The following HYDIN variants were observed in gnomAD, a reference collection of about 807,000 sequenced individuals.
The protein encoded by HYDIN is HYDIN axonemal central pair apparatus protein.
In HYDIN, 132 loss-of-function variants were observed where a neutral mutation model predicts 403.9. That is an observed-to-expected ratio of 0.33 (90% confidence interval 0.28 to 0.38). The LOEUF is 0.38. Among genes scored for constraint, HYDIN ranks in the 10% least tolerant of loss-of-function variants. The pLI is 1.00. For synonymous variants in HYDIN, 1,202 were observed against 1,891.7 expected (o/e 0.64, Z 9.46); for missense variants, 2,827 against 5,009.5 (o/e 0.56, Z 13.15).
intron 7 of HYDIN, among the ~76,000 whole-genome samples, chr16:71,151,135 T>C (rs1210658976): frequency 1.3e-5 from 2 of 152,196 alleles, no homozygotes; most frequent in Non-Finnish European, 2.9e-5. Context: ...GATGCCCCAA[T>C]GTGTTATGAG....
At position 70,947,407 on chromosome 16, in the gene HYDIN, A is replaced by G. The variant is rs544312652; in HGVS notation, c.6532-3458T>C. Among the ~76,000 whole-genome samples the G allele has an allele frequency of 6.1e-3, 925 of 152,052 alleles. 13 individuals are homozygous for G. Among genetic ancestry groups the G allele is most frequent in the Non-Finnish European group, 3.3e-3 (226 of 67,962 alleles). On this transcript the variant is annotated intron_variant, in intron 41 of 85. Coordinates refer to ENST00000393567, the MANE Select transcript of HYDIN (RefSeq NM_001270974.2). ...GATGAAGCCCACTTGATCATGGTGG[A>G]TAAGCTTTCTGATGTGCTGCTGGAT...
rs1321990923 is a variant in HYDIN, at chr16:70,941,702, T to C, written c.6787A>G (p.Ile2263Val). Reference protein sequence around the residue: ...KAIGSREHIYILNMAQDYAAM... With the variant: ...KAIGSREHIYVLNMAQDYAAM... The stretch of plus-strand genomic sequence containing the variant: ...GCGTAATCCTGGGCCATGTTGAGAA[T>C]GTATATATGCTCCCGGCTGCCAATG... The change falls in exon 43 of 86, where the codon ATT becomes GTT. Residue 2263 changes from isoleucine to valine, a missense_variant. Coordinates refer to ENST00000393567, the MANE Select transcript of HYDIN (RefSeq NM_001270974.2). The C allele has an allele frequency of 8.2e-6, 13 of 1,593,100 alleles. No homozygotes were observed. The highest frequency in any genetic ancestry group is 8.0e-5 in the South Asian group (7 of 87,446).
chr16:71,200,936 G>A (rs547016403), intron 1 of HYDIN, among the ~76,000 whole-genome samples: 45 of 152,070 alleles, frequency 3.0e-4, no homozygotes, highest in Admixed American at 1.6e-3. Flanking sequence ...CCTCTGTCTG[G>A]GCTCTCCCTG....
chr16:71,186,182 T>C (rs1031025847), intron 2 of HYDIN, among the ~76,000 whole-genome samples: 5 of 152,164 alleles, frequency 3.3e-5, no homozygotes, highest in Admixed American at 3.3e-4. Flanking sequence ...TAAAATGTAG[T>C]GAATACTATC....
intron 10 of HYDIN, among the ~76,000 whole-genome samples, chr16:71,110,605 C>T (rs1038044952): frequency 1.3e-5 from 2 of 150,528 alleles, no homozygotes; most frequent in Non-Finnish European, 2.9e-5. Flanking sequence ...AAGGAAACAA[C>T]TATCATAAAA....
chr16:71,174,929 T>C (rs2086606700), intron 5 of HYDIN, among the ~76,000 whole-genome samples: 1 of 152,210 alleles, frequency 6.6e-6, no homozygotes, highest in Non-Finnish European at 1.5e-5. Flanking sequence ...GCAAACTAGT[T>C]AGAATCTGGG....
At chr16:71,027,460 C>T in intron 20 of HYDIN, 142 bp downstream of exon 20, 1 of 1,531,606 alleles carries the variant, frequency 6.5e-7, no homozygotes, top group Non-Finnish European at 8.7e-7. Flanking sequence ...ACGGATGCTA[C>T]TATGGTAACT....
intron 13 of HYDIN, among the ~76,000 whole-genome samples, chr16:71,078,332 G>A (rs1474154521): frequency 1.3e-5 from 2 of 151,872 alleles, no homozygotes; most frequent in East Asian, 3.9e-4. Flanking sequence ...TTCTATTCAG[G>A]TTTTCTACTC....
chr16:70,890,235 T>C (rs2041388898), intron 57 of HYDIN, among the ~76,000 whole-genome samples: 1 of 152,260 alleles, frequency 6.6e-6, no homozygotes, highest in South Asian at 2.1e-4. Flanking sequence ...AATATTCAAA[T>C]GTATCTGAAA....
intron 10 of HYDIN, among the ~76,000 whole-genome samples, chr16:71,108,649 T>C (rs540873220): frequency 3.5e-4 from 54 of 152,204 alleles, no homozygotes; most frequent in African/African-American, 1.2e-3. Context: ...CTGATCGCTG[T>C]ATATTATGCA....
At chr16:71,230,479 A>T in intron 1 of HYDIN, 83 bp downstream of exon 1, 1 of 1,433,602 alleles carries the variant, frequency 7.0e-7, no homozygotes. Flanking sequence ...CAGGGCGAGG[A>T]CGAGGACGAA....
chr16:71,066,017 T>C (rs1346842986), intron 15 of HYDIN, among the ~76,000 whole-genome samples: 1 of 152,186 alleles, frequency 6.6e-6, no homozygotes, highest in East Asian at 1.9e-4. Context: ...TTCTTAAAGC[T>C]AATCCTTTAC....
chr16:71,003,397 A>C (rs1167112866), intron 23 of HYDIN, among the ~76,000 whole-genome samples: 1 of 152,194 alleles, frequency 6.6e-6, no homozygotes, highest in Non-Finnish European at 1.5e-5. Flanking sequence ...ACTTTAAATA[A>C]AATTATCATT....
At chr16:71,200,908 T>C (rs761012110) in intron 1 of HYDIN, among the ~76,000 whole-genome samples, 11 of 152,096 alleles carry the variant, frequency 7.2e-5, no homozygotes, top group Admixed American at 2.6e-4. Flanking sequence ...ATTAACCCAA[T>C]TGGTACACTC....
In HYDIN at chr16:70,867,282, C is replaced by G. The variant is rs187040213; in HGVS notation, c.11311-953G>C. Among the ~76,000 whole-genome samples the G allele has an allele frequency of 6.4e-3, 950 of 147,494 alleles. 9 individuals are homozygous for G. The highest frequency in any genetic ancestry group is 9.3e-3 in the Non-Finnish European group (630 of 67,860). ...AATGCAAAATAGGCTCGTAATGAGA[C>G]CATTTCCCATTCATTCAAATGATAA... On this transcript the variant is annotated intron_variant, in intron 66 of 85. Coordinates refer to ENST00000393567, the MANE Select transcript of HYDIN (RefSeq NM_001270974.2).
intron 23 of HYDIN, among the ~76,000 whole-genome samples, chr16:70,996,679 G>C (rs1395585701): frequency 6.6e-6 from 1 of 151,816 alleles, no homozygotes; most frequent in Non-Finnish European, 1.5e-5. Flanking sequence ...AAATGAGGGA[G>C]GTACTAACTC....
At position 71,107,472 on chromosome 16, in the gene HYDIN, A is replaced by G. The variant is rs111987463; in HGVS notation, c.1327+8224T>C. ...ATCTATAAGGAACTTAAACCAATTT[A>G]TAAGAAAAAAACAAACAATCCTATT... On this transcript the variant is annotated intron_variant, in intron 10 of 85. Coordinates refer to ENST00000393567, the MANE Select transcript of HYDIN (RefSeq NM_001270974.2). 7.0e-3 allele frequency among the ~76,000 whole-genome samples: 1,052 copies of G among 151,258 alleles called. 6 individuals carry two copies. The highest frequency in any genetic ancestry group is 0.024 in the African/African-American group (1,007 of 41,322).
chr16:70,944,267 C>T (rs750116649), intron 41 of HYDIN, among the ~76,000 whole-genome samples: 22 of 152,220 alleles, frequency 1.4e-4, no homozygotes, highest in Middle Eastern at 3.2e-3. Context: ...CAAACAATGG[C>T]GCTGCCCCCA....
chr16:71,134,248 C>T (rs1307924885), intron 8 of HYDIN, among the ~76,000 whole-genome samples: 1 of 151,592 alleles, frequency 6.6e-6, no homozygotes, highest in Non-Finnish European at 1.5e-5. Context: ...ACTTTCAGCC[C>T]CTGGAGATGA....
Sources: gnomAD v4.1 joint callset for allele counts (sites outside exome capture counted in the v4.1 genomes callset) on GRCh38, gnomAD v4.1.1 for gene constraint, MANE v1.5 for transcripts, NCBI Gene and HGNC (gene_info 2026-07-23, HGNC 2026-07-21) for gene names.